SDK1: variants seen among roughly 807,000 people sequenced by gnomAD.
SDK1 encodes protein sidekick-1.
Under a neutral mutation model 245.5 loss-of-function variants are expected in SDK1, and 157 were observed. The ratio of observed to expected loss-of-function variants is 0.64; its 90% confidence interval spans 0.56 to 0.73. The LOEUF is 0.73. SDK1 is among the 30% of genes least tolerant of loss of function. The pLI, the probability that SDK1 is intolerant of heterozygous loss-of-function variation, is 0.00. For synonymous variants in SDK1, 1,647 were observed against 1,278.5 expected, an observed-to-expected ratio of 1.29 and a Z score of -6.15; for missense variants, 3,583 against 3,002.3, an observed-to-expected ratio of 1.19 and a Z score of -4.52.
At chr7:3,335,264 G>T (rs1194202669) in intron 1 of SDK1, among the ~76,000 whole-genome samples, 1 of 152,116 alleles carries the variant, frequency 6.6e-6, no homozygotes, top group Non-Finnish European at 1.5e-5. Flanking sequence ...GGCCTACAAG[G>T]TTCTGTGTGG....
rs899267923 is a variant in SDK1, at chr7:3,715,861, A to G, written c.713+73756A>G. Among the ~76,000 whole-genome samples, 3 of 152,362 alleles carry G rather than the reference A, an allele frequency of 2.0e-5. No homozygotes were observed. The South Asian group carries it at 6.2e-4, about 32-fold the overall frequency. Reference sequence around the variant, plus strand: ...TGCAATTACCAGACAAGGATTTTAAAGCAGCCATCATAAAAGGGCGTCAGC... The same window carrying G: ...TGCAATTACCAGACAAGGATTTTAAGGCAGCCATCATAAAAGGGCGTCAGC... On this transcript the variant is annotated intron_variant, in intron 4 of 44. Coordinates refer to ENST00000404826, the MANE Select transcript of SDK1 (RefSeq NM_152744.4).
intron 1 of SDK1, among the ~76,000 whole-genome samples, chr7:3,321,110 C>CT (rs1779791668): frequency 6.6e-6 from 1 of 152,106 alleles, no homozygotes. Context: ...ACTGAAGGCT[C>CT]TTGAAATGAA....
chr7:3,335,293 C>G (rs892567979), intron 1 of SDK1, among the ~76,000 whole-genome samples: 6 of 152,102 alleles, frequency 3.9e-5, no homozygotes, highest in African/African-American at 1.4e-4. Flanking sequence ...AGTTATCTTT[C>G]TTTATTTACC....
At chr7:3,799,855 A>G (rs1219758883) in intron 4 of SDK1, among the ~76,000 whole-genome samples, 1 of 152,102 alleles carries the variant, frequency 6.6e-6, no homozygotes, top group African/African-American at 2.4e-5. Context: ...ATTTGACTAA[A>G]TTACTGTAAA....
At chr7:4,168,081 G>A (rs1384392400) in intron 32 of SDK1, among the ~76,000 whole-genome samples, 1 of 152,240 alleles carries the variant, frequency 6.6e-6, no homozygotes, top group East Asian at 1.9e-4. Context: ...ACCCTGTGCA[G>A]GCAGGCCCGG....
chr7:4,174,805 G>T (rs369211992), intron 33 of SDK1, among the ~76,000 whole-genome samples: 6 of 152,114 alleles, frequency 3.9e-5, no homozygotes, highest in African/African-American at 1.4e-4. Context: ...CCTGCACTGC[G>T]CCATGATCGT....
chr7:3,636,273 T>A (rs971740014), intron 2 of SDK1, among the ~76,000 whole-genome samples: 1 of 152,174 alleles, frequency 6.6e-6, no homozygotes, highest in African/African-American at 2.4e-5. Context: ...TGTGATACAG[T>A]ATGATTCCTG....
At chr7:3,710,329 A>T (rs1181715486) in intron 4 of SDK1, among the ~76,000 whole-genome samples, 1 of 152,204 alleles carries the variant, frequency 6.6e-6, no homozygotes, top group Non-Finnish European at 1.5e-5. Context: ...TCACATACTG[A>T]ACACACACTT....
chr7:4,126,228 A>G lies in SDK1; in HGVS notation c.3824-1153A>G, dbSNP rs142476402. Among the ~76,000 whole-genome samples, 998 of 152,338 alleles carry G rather than the reference A, an allele frequency of 6.6e-3. 8 individuals are homozygous for G. Among genetic ancestry groups the G allele is most frequent in the African/African-American group, 0.023 (959 of 41,578 alleles). ...GGCTAGCTCAGGTCCAGGTTTTCCT[A>G]TCTGAATGGTGTTTGAAGTTTAAAT... On this transcript the variant is annotated intron_variant, in intron 25 of 44. Coordinates refer to ENST00000404826, the MANE Select transcript of SDK1 (RefSeq NM_152744.4).
chr7:4,196,711 A>G (rs1223888041), intron 35 of SDK1, among the ~76,000 whole-genome samples: 1 of 152,144 alleles, frequency 6.6e-6, no homozygotes, highest in East Asian at 1.9e-4. Context: ...TTGCCTGCTG[A>G]CCTGCCCGTG....
At chr7:3,502,571 A>G (rs1304955195) in intron 1 of SDK1, among the ~76,000 whole-genome samples, 1 of 152,134 alleles carries the variant, frequency 6.6e-6, no homozygotes, top group East Asian at 1.9e-4. Flanking sequence ...TTTTAATAGC[A>G]CCCCTAATGT....
chr7:3,646,755 G>T (rs1421809485), intron 4 of SDK1, among the ~76,000 whole-genome samples: 2 of 152,192 alleles, frequency 1.3e-5, no homozygotes, highest in Non-Finnish European at 2.9e-5. Flanking sequence ...ACCTGGGTTT[G>T]CATAGAGGGG....
intron 1 of SDK1, among the ~76,000 whole-genome samples, chr7:3,596,633 G>C (rs193174495): frequency 1.3e-5 from 2 of 152,084 alleles, no homozygotes; most frequent in Non-Finnish European, 2.9e-5. Flanking sequence ...GTAGGCAGTC[G>C]TTTTTCTGAT....
chr7:4,237,910 A>G (rs1786280798), intron 42 of SDK1, 126 bp downstream of exon 42: 1 of 1,159,100 alleles, frequency 8.6e-7, no homozygotes, highest in East Asian at 2.5e-5. Flanking sequence ...AGGTGCTGAG[A>G]GAAATGCAAT....
intron 4 of SDK1, among the ~76,000 whole-genome samples, chr7:3,783,617 A>G (rs1256057580): frequency 6.6e-6 from 1 of 152,214 alleles, no homozygotes; most frequent in African/African-American, 2.4e-5. Context: ...TTCATTTACA[A>G]CAGCTACGAA....
chr7:3,432,896 CTGAG>C (rs1456563391), intron 1 of SDK1, among the ~76,000 whole-genome samples: 2 of 152,222 alleles, frequency 1.3e-5, no homozygotes, highest in Non-Finnish European at 2.9e-5. Context: ...AATTTCATGG[CTGAG>C]CCTCATTCTT....
intron 4 of SDK1, among the ~76,000 whole-genome samples, chr7:3,746,349 C>G (rs1779620718): frequency 1.3e-5 from 2 of 152,166 alleles, no homozygotes; most frequent in Admixed American, 1.3e-4. Flanking sequence ...GCTGACTGAT[C>G]AGTCTGATGG....
intron 4 of SDK1, among the ~76,000 whole-genome samples, chr7:3,798,630 C>T (rs1008435182): frequency 6.6e-6 from 1 of 152,150 alleles, no homozygotes; most frequent in Admixed American, 6.5e-5. Flanking sequence ...GGGCACTTGG[C>T]GTCAACATGA....
At chr7:3,691,255 T>C (rs570664434) in intron 4 of SDK1, among the ~76,000 whole-genome samples, 1 of 152,246 alleles carries the variant, frequency 6.6e-6, no homozygotes, top group African/African-American at 2.4e-5. Flanking sequence ...TAAGTTGTTA[T>C]GATTACCACA....
Sources: gnomAD v4.1 joint callset for allele counts (sites outside exome capture counted in the v4.1 genomes callset) on GRCh38, gnomAD v4.1.1 for gene constraint, MANE v1.5 for transcripts, NCBI Gene and HGNC (gene_info 2026-07-23, HGNC 2026-07-21) for gene names.